The following LINGO1 variants were observed in gnomAD, a reference collection of about 807,000 sequenced individuals.
LINGO1 encodes the protein leucine rich repeat and Ig domain containing 1, also known as leucine-rich repeat and immunoglobulin-like domain-containing nogo receptor-interacting protein 1.
Under a neutral mutation model 37.3 loss-of-function variants are expected in LINGO1, and 11 were observed. That is an observed-to-expected ratio of 0.29 (90% CI 0.19 to 0.49). The LOEUF (loss-of-function observed/expected upper bound fraction) is 0.49. Ranked by LOEUF, LINGO1 falls within the 20% of genes least tolerant of loss-of-function variation. The pLI is 0.99. For synonymous variants in LINGO1, 387 were observed against 403.0 expected (o/e 0.96, Z 0.48); for missense variants, 585 against 878.2 (o/e 0.67, Z 4.22).
intron 1 of LINGO1, among the ~76,000 whole-genome samples, chr15:77,741,077 C>G (rs543753904): frequency 4.6e-5 from 7 of 152,312 alleles, no homozygotes; most frequent in Non-Finnish European, 1.0e-4. Flanking sequence ...AGGAAGGGAA[C>G]CAGGAGCCTG....
At chr15:77,749,873 C>T (rs528495177) in intron 1 of LINGO1, among the ~76,000 whole-genome samples, 6 of 152,196 alleles carry the variant, frequency 3.9e-5, no homozygotes, top group South Asian at 2.1e-4. Context: ...AAGTAGGGTG[C>T]GGAACCGGAC....
At chr15:77,692,258 T>C (rs2075617228) in intron 1 of LINGO1, among the ~76,000 whole-genome samples, 1 of 152,234 alleles carries the variant, frequency 6.6e-6, no homozygotes, top group African/African-American at 2.4e-5. Flanking sequence ...TGATTACCTC[T>C]ATGGTTTGGA....
chr15:77,631,721 G>A (rs925391811), intron 1 of LINGO1, among the ~76,000 whole-genome samples: 1 of 152,218 alleles, frequency 6.6e-6, no homozygotes, highest in Admixed American at 6.5e-5. Flanking sequence ...CCCCTAAAGC[G>A]TTCCTGGGCG....
chr15:77,751,062 C>T (rs1478881043), intron 1 of LINGO1, among the ~76,000 whole-genome samples: 1 of 152,136 alleles, frequency 6.6e-6, no homozygotes, highest in African/African-American at 2.4e-5. Context: ...TGAGTATGTA[C>T]CATCTCCCTC....
chr15:77,614,250 C>T lies in LINGO1; in HGVS notation c.1657G>A (p.Asp553Asn), dbSNP rs748164952. 2.5e-6 allele frequency: 4 copies of T among 1,614,018 alleles called. No individual in the cohort carries two copies. The highest frequency in any genetic ancestry group is 3.4e-6 in the Non-Finnish European group (4 of 1,179,896). The change falls in exon 2 of 2, where the codon GAC (aspartate) becomes AAC (asparagine). Residue 553 changes from aspartate to asparagine, a missense_variant. Transcript: ENST00000355300. ...GTGGCGATGATGAGGGTCTTGATGT[C>T]GAAGGGGAAAGGCACAGTGGCGCGG... is the stretch of plus-strand genomic sequence containing the variant. Reference protein sequence around the residue: ...STRATVPFPFDIKTLIIATTM... With the variant: ...STRATVPFPFNIKTLIIATTM...
intron 2 of LINGO1, among the ~76,000 whole-genome samples, chr15:77,702,568 C>T (rs1451661920): frequency 6.6e-6 from 1 of 152,180 alleles, no homozygotes; most frequent in African/African-American, 2.4e-5. Context: ...CTCAATGAGA[C>T]CGTGATGCAG....
intron 1 of LINGO1, among the ~76,000 whole-genome samples, chr15:77,750,028 C>T (rs1032266109): frequency 6.6e-6 from 1 of 152,132 alleles, no homozygotes; most frequent in Non-Finnish European, 1.5e-5. Flanking sequence ...GGATTTGAAC[C>T]TGGGTCTGCC....
At chr15:77,695,442 G>A (rs1171047533) in intron 1 of LINGO1, among the ~76,000 whole-genome samples, 11 of 152,278 alleles carry the variant, frequency 7.2e-5, no homozygotes, top group Admixed American at 5.9e-4. Flanking sequence ...CCTGATCAAC[G>A]CAAGGCCCGC....
intron 2 of LINGO1, among the ~76,000 whole-genome samples, chr15:77,710,349 G>T (rs1029707989): frequency 2.6e-5 from 4 of 152,242 alleles, no homozygotes; most frequent in African/African-American, 9.6e-5. Context: ...AGGGACGTGA[G>T]GAATGGGCTT....
chr15:77,707,715 C>T (rs1289467482), intron 2 of LINGO1, among the ~76,000 whole-genome samples: 2 of 152,212 alleles, frequency 1.3e-5, no homozygotes, highest in African/African-American at 4.8e-5. Flanking sequence ...ACTGGGCAAG[C>T]TCCAGCAGCC....
intron 2 of LINGO1, among the ~76,000 whole-genome samples, chr15:77,727,612 G>C (rs1200712336): frequency 6.6e-6 from 1 of 152,144 alleles, no homozygotes; most frequent in Non-Finnish European, 1.5e-5. Context: ...TTGTCCAGTG[G>C]ATACAGAATT....
intron 1 of LINGO1, among the ~76,000 whole-genome samples, chr15:77,769,333 T>C (rs2076560789): frequency 1.3e-5 from 2 of 152,188 alleles, no homozygotes; most frequent in African/African-American, 4.8e-5. Flanking sequence ...GCAGGGCCAC[T>C]TGCCTTCTCC....
intron 1 of LINGO1, among the ~76,000 whole-genome samples, chr15:77,627,382 C>T (rs977304558): frequency 3.3e-5 from 5 of 152,180 alleles, no homozygotes; most frequent in Non-Finnish European, 5.9e-5. Context: ...CTCAGACCCT[C>T]TGGGCTGGCA....
At chr15:77,737,404 G>A (rs1030947236) in intron 1 of LINGO1, among the ~76,000 whole-genome samples, 5 of 152,008 alleles carry the variant, frequency 3.3e-5, no homozygotes, top group African/African-American at 1.2e-4. Flanking sequence ...GAAAGAGAAG[G>A]GAGGGAAGAA....
At chr15:77,804,859 C>T (rs1305215415) in intron 1 of LINGO1, among the ~76,000 whole-genome samples, 2 of 152,186 alleles carry the variant, frequency 1.3e-5, no homozygotes, top group Non-Finnish European at 2.9e-5. Flanking sequence ...TTATAGTGAC[C>T]ATAGAAATGA....
At chr15:77,651,879 G>A (rs1247177077) in intron 3 of LINGO1, 1 of 152,218 alleles carries the variant, frequency 6.6e-6, no homozygotes, top group African/African-American at 2.4e-5. Context: ...CTTAAGGTCT[G>A]AGGTCTTTGG....
At chr15:77,667,091 G>C (rs960439547) in intron 3 of LINGO1, 4 of 152,420 alleles carry the variant, frequency 2.6e-5, no homozygotes, top group African/African-American at 9.6e-5. Flanking sequence ...GGATGGGTAA[G>C]GAGGGTCTGG....
At chr15:77,646,214 CCTGTGTCTAG>C in intron 3 of LINGO1, 1 of 268,302 alleles carries the variant, frequency 3.7e-6, no homozygotes, top group South Asian at 3.7e-5. Context: ...ATTGTCCCCA[CCTGTGTCTAG>C]CTGCACATCA....
chr15:77,664,170 T>TGTGTGTGTGTGTGTGTGTGTGTGC, intron 3 of LINGO1, among the ~76,000 whole-genome samples: 3 of 130,942 alleles, frequency 2.3e-5, no homozygotes, highest in African/African-American at 7.3e-5. Context: ...TGTGTGTGTG[T>TGTGTGTGTGTGTGTGTGTGTGTGC]GCGCGCGCGC....
Sources: allele counts gnomAD v4.1 joint callset (sites outside exome capture counted in the v4.1 genomes callset), GRCh38; gene constraint gnomAD v4.1.1; transcripts MANE v1.5; gene names NCBI Gene and HGNC (gene_info 2026-07-23, HGNC 2026-07-21).